SYCP2: variants seen among roughly 807,000 people sequenced by gnomAD.
The protein encoded by SYCP2 is synaptonemal complex protein 2, also known as synaptonemal complex lateral element protein.
A neutral mutation model predicts 211.3 loss-of-function variants in SYCP2; 55 were observed. The observed-to-expected ratio is 0.26, with a 90% CI of 0.21 to 0.33. SYCP2 has a LOEUF of 0.33. SYCP2 is among the 10% of genes least tolerant of loss of function. The pLI is 1.00. For missense variants in SYCP2, 1,731 were observed against 1,752.0 expected, an observed-to-expected ratio of 0.99 and a Z score of 0.21; for synonymous variants, 570 against 555.2, an observed-to-expected ratio of 1.03 and a Z score of -0.37.
chr20:59,868,326 A>G (rs536424154), intron 38 of SYCP2, 87 bp downstream of exon 38: 1 of 1,405,876 alleles, frequency 7.1e-7, no homozygotes, highest in East Asian at 2.3e-5. Flanking sequence ...TTGTCTTTAC[A>G]AATTTGTTTT....
chr20:59,881,680 C>A (rs1388162955), intron 28 of SYCP2, among the ~76,000 whole-genome samples, 188 bp from the exon 29 acceptor site: 1 of 144,950 alleles, frequency 6.9e-6, no homozygotes. Context: ...TTTTTTTCAT[C>A]AATAAGAAAG....
chr20:59,915,448 T>C lies in SYCP2; in HGVS notation c.599+17A>G, dbSNP rs1314603737. On this transcript the variant is annotated intron_variant, in intron 9 of 44. Transcript: ENST00000357552. ...ATGGATTTTAAGAATAAAAACCATA[T>C]AAGTACAGATTATTACATGAGAATT... The C allele has an allele frequency of 2.0e-6, 3 of 1,498,364 alleles. No individual in the cohort carries two copies. Among genetic ancestry groups the C allele is most frequent in the South Asian group, 2.3e-5 (2 of 86,482 alleles). The allele number at this position is 1,498,364 out of a possible 1,614,324, so 92.8% of individuals were successfully genotyped here.
At chr20:59,905,429 T>C (rs1025515467) in intron 15 of SYCP2, among the ~76,000 whole-genome samples, 1 of 152,006 alleles carries the variant, frequency 6.6e-6, no homozygotes, top group Admixed American at 6.6e-5. Flanking sequence ...CACTCAGCAA[T>C]AAAAAGAATA....
chr20:59,894,720 A>G (rs954368134), intron 20 of SYCP2, among the ~76,000 whole-genome samples: 11 of 152,016 alleles, frequency 7.2e-5, no homozygotes, highest in African/African-American at 2.7e-4. Context: ...TCTCCAGGAG[A>G]AACTCACCAT....
chr20:59,872,972 A>G (rs2059483423), intron 35 of SYCP2, among the ~76,000 whole-genome samples: 1 of 152,136 alleles, frequency 6.6e-6, no homozygotes, highest in Admixed American at 6.6e-5. Flanking sequence ...GTAGGAATAT[A>G]AAAAGTAAAT....
intron 24 of SYCP2, among the ~76,000 whole-genome samples, chr20:59,887,641 A>G (rs543085168): frequency 1.3e-5 from 2 of 152,144 alleles, no homozygotes; most frequent in East Asian, 3.9e-4. Context: ...CTATTTCTCC[A>G]CATCCTCTCC....
intron 15 of SYCP2, among the ~76,000 whole-genome samples, chr20:59,904,285 C>T (rs1172664836): frequency 6.6e-6 from 1 of 152,092 alleles, no homozygotes; most frequent in Non-Finnish European, 1.5e-5. Context: ...TTCAAAATAT[C>T]TGCCAGATTT....
chr20:59,922,031 T>C (rs1048914439), intron 3 of SYCP2, among the ~76,000 whole-genome samples: 3 of 151,640 alleles, frequency 2.0e-5, no homozygotes, highest in African/African-American at 4.8e-5. Flanking sequence ...GTGAACTGCA[T>C]ACATGTTGAA....
At chr20:59,917,293 G>A (rs977763718) in intron 7 of SYCP2, among the ~76,000 whole-genome samples, 1 of 152,112 alleles carries the variant, frequency 6.6e-6, no homozygotes, top group African/African-American at 2.4e-5. Context: ...AATGATGTGA[G>A]CCCCTTTTAC....
chr20:59,888,415 G>A (rs182069695), intron 24 of SYCP2, among the ~76,000 whole-genome samples: 1 of 152,002 alleles, frequency 6.6e-6, no homozygotes. Context: ...AATATAAATT[G>A]ATACACAAAA....
Position 59,877,573 on chromosome 20 carries a change from C to A in SYCP2, c.2980-18G>T. ...CTGGGTGTCTTTAGGAGAAAAATTC[C>A]TGAATATTAGATCAATATTTGAGGT... On this transcript the variant is annotated intron_variant, in intron 32 of 44. Coordinates refer to ENST00000357552, the MANE Select transcript of SYCP2 (RefSeq NM_014258.4). The A allele has an allele frequency of 1.9e-6, 3 of 1,569,794 alleles. No homozygotes were observed. The highest frequency in any genetic ancestry group is 2.6e-6 in the Non-Finnish European group (3 of 1,166,168).
At position 59,902,004 on chromosome 20, in the gene SYCP2, C is replaced by G. The variant is rs564459662; in HGVS notation, c.1034-194G>C. ...CAAGTCAATTTAGCTTTCCTAGTCT[C>G]AGTGTTCTTATCTATAAAATACAGG... On this transcript the variant is annotated intron_variant, in intron 15 of 44. Transcript: ENST00000357552. 3.9e-5 allele frequency among the ~76,000 whole-genome samples: 6 copies of G among 152,144 alleles called. No individual in the cohort carries two copies. In the East Asian group the frequency reaches 1.2e-3, roughly 29 times the overall value.
At chr20:59,897,220 C>T (rs2060026799) in intron 18 of SYCP2, among the ~76,000 whole-genome samples, 1 of 152,026 alleles carries the variant, frequency 6.6e-6, no homozygotes, top group Non-Finnish European at 1.5e-5. Flanking sequence ...TTTAAGGCAC[C>T]TGTCCCTAGA....
chr20:59,919,471 G>C (rs754617837), intron 6 of SYCP2, 22 bp downstream of exon 6: 17 of 1,432,252 alleles, frequency 1.2e-5, no homozygotes, highest in Non-Finnish European at 1.7e-5. Flanking sequence ...ATAAATATCA[G>C]TGTAATCAAT....
intron 16 of SYCP2, 24 bp downstream of exon 16, chr20:59,901,638 T>C (rs547276622): frequency 3.0e-6 from 4 of 1,315,952 alleles, no homozygotes; most frequent in South Asian, 2.8e-5. Flanking sequence ...AAATAGTAAA[T>C]ATTTATTAAG....
chr20:59,877,456 C>G lies in SYCP2; in HGVS notation c.3079G>C (p.Asp1027His). 6.2e-7 allele frequency: 1 copy of G among 1,605,592 alleles called. No homozygotes were observed. Among genetic ancestry groups the G allele is most frequent in the Non-Finnish European group, 8.5e-7 (1 of 1,177,724 alleles). The stretch of plus-strand genomic sequence containing the variant: ...CACTCTGATTCTGAATTTGAGAGAT[C>G]TTTATAGTTTTTTTTTGTTTTGGTT... ...KATKTKKNYK[D>H]LSNSESECEQ... The change falls in exon 33 of 45, where the codon GAT becomes CAT. Residue 1027 changes from aspartate (D) to histidine (H), a missense_variant. Transcript: ENST00000357552.
intron 35 of SYCP2, among the ~76,000 whole-genome samples, chr20:59,872,728 A>G (rs1454941272): frequency 6.6e-6 from 1 of 151,902 alleles, no homozygotes; most frequent in Admixed American, 6.6e-5. Flanking sequence ...TTCCTAAGAG[A>G]TACTACTAAT....
Position 59,863,798 on chromosome 20 carries a change from C to T in SYCP2, c.*513G>A, listed in dbSNP as rs1375834983. ...TTAGTGCTTCCTAATACATTAGAGC[C>T]ATATCTGAATAAATGTTTCCAACAG... is the stretch of plus-strand genomic sequence containing the variant. On this transcript the variant is annotated 3_prime_UTR_variant, in exon 45 of 45. Coordinates refer to ENST00000357552, the MANE Select transcript of SYCP2 (RefSeq NM_014258.4). 2 of 151,824 alleles carry T rather than the reference C, an allele frequency of 1.3e-5. No homozygotes were observed. Among genetic ancestry groups the T allele is most frequent in the Non-Finnish European group, 2.9e-5 (2 of 67,862 alleles). The allele number at this position is 151,824 out of a possible 1,614,324, so 9.4% of individuals were successfully genotyped here.
chr20:59,878,170 G>A (rs1600832113), intron 31 of SYCP2, 125 bp from the exon 32 acceptor site: 3 of 691,128 alleles, frequency 4.3e-6, no homozygotes, highest in Non-Finnish European at 6.9e-6. Flanking sequence ...TAAAGCATGT[G>A]TTAGCATTTA....
Sources: gnomAD v4.1 joint callset for allele counts (sites outside exome capture counted in the v4.1 genomes callset) on GRCh38, gnomAD v4.1.1 for gene constraint, MANE v1.5 for transcripts, NCBI Gene and HGNC (gene_info 2026-07-23, HGNC 2026-07-21) for gene names.